The following OPHN1 variants were observed in gnomAD, a reference collection of about 807,000 sequenced individuals.
The protein encoded by OPHN1 is oligophrenin-1.
A neutral mutation model predicts 60.7 loss-of-function variants in OPHN1; 11 were observed. The ratio of observed to expected loss-of-function variants is 0.18; its 90% CI spans 0.11 to 0.30. OPHN1 has a LOEUF of 0.30. Among genes scored for constraint, OPHN1 ranks in the 10% least tolerant of loss-of-function variants. OPHN1 has a pLI of 1.00. For missense variants in OPHN1, 449 were observed against 611.0 expected, an observed-to-expected ratio of 0.73 and a Z score of 2.80; for synonymous variants, 226 against 222.6, an observed-to-expected ratio of 1.02 and a Z score of -0.14.
chrX:68,362,370 G>A (rs1271221247), intron 2 of OPHN1, among the ~76,000 whole-genome samples: 1 of 111,848 alleles, frequency 8.9e-6, no homozygotes, highest in Non-Finnish European at 1.9e-5. Context: ...GGGATGAGAA[G>A]AGATTGGGAA....
intron 6 of OPHN1, among the ~76,000 whole-genome samples, chrX:68,217,533 G>C (rs1270073757): frequency 2.7e-5 from 3 of 110,304 alleles, no homozygotes; most frequent in African/African-American, 9.8e-5. Flanking sequence ...GTCCCTGTCT[G>C]ACAGCTTTGA....
chrX:68,433,403 T>A lies in OPHN1; in HGVS notation c.-240A>T. The A allele has an allele frequency of 3.6e-6, 1 of 277,217 alleles. No individual in the cohort carries two copies. The allele number at this position is 277,217 out of a possible 1,213,427, so 22.8% of individuals were successfully genotyped here. A position where few individuals can be genotyped will look rare whatever the true frequency, so the allele number is the denominator to read the frequency against. ...CCTGAGCAATTGCAAACGTGACACTTGGGCCCGCCCAAGGTGTAGGCGAGG... is the reference window on the plus strand; with the variant it reads ...CCTGAGCAATTGCAAACGTGACACTAGGGCCCGCCCAAGGTGTAGGCGAGG... On this transcript the variant is annotated 5_prime_UTR_variant, in exon 1 of 25. Transcript: ENST00000355520.
intron 19 of OPHN1, among the ~76,000 whole-genome samples, chrX:68,078,521 C>T (rs754458368): frequency 4.5e-5 from 5 of 111,493 alleles, no homozygotes; most frequent in African/African-American, 1.6e-4. Flanking sequence ...CAATCTCTTC[C>T]GATTGAACCC....
chrX:68,355,303 A>C (rs1010515809), intron 2 of OPHN1, among the ~76,000 whole-genome samples: 1 of 112,512 alleles, frequency 8.9e-6, no homozygotes, highest in Admixed American at 9.5e-5. Flanking sequence ...GATAAAATAC[A>C]GAAGTACATA....
At chrX:68,124,001 T>A (rs2077159931) in intron 15 of OPHN1, among the ~76,000 whole-genome samples, 1 of 110,241 alleles carries the variant, frequency 9.1e-6, no homozygotes, top group African/African-American at 3.3e-5. Context: ...AACACATTTA[T>A]CCTGTAAAGA....
intron 2 of OPHN1, among the ~76,000 whole-genome samples, chrX:68,387,182 TTTTCTC>T (rs2078628584): frequency 1.3e-5 from 1 of 79,433 alleles, no homozygotes; most frequent in Admixed American, 1.6e-4. Flanking sequence ...TCTCTTCTCT[TTTTCTC>T]TTTCTTTCTG....
intron 15 of OPHN1, among the ~76,000 whole-genome samples, chrX:68,143,487 C>A (rs946307363): frequency 9.0e-6 from 1 of 110,967 alleles, no homozygotes; most frequent in African/African-American, 3.3e-5. Context: ...GACAAAGGCC[C>A]ATCCACAGCT....
intron 10 of OPHN1, among the ~76,000 whole-genome samples, chrX:68,202,004 G>A (rs776067631): frequency 1.3e-4 from 14 of 111,804 alleles, no homozygotes; most frequent in African/African-American, 3.6e-4. Context: ...TCATGTAAGG[G>A]GAGTGTAGGA....
At chrX:68,200,352 C>A (rs2077530001) in intron 11 of OPHN1, among the ~76,000 whole-genome samples, 2 of 111,936 alleles carry the variant, frequency 1.8e-5, no homozygotes, top group Admixed American at 1.9e-4. Context: ...AAATTTAGTA[C>A]TTATCATGAG....
chrX:68,112,600 T>C (rs1333435704), intron 17 of OPHN1, among the ~76,000 whole-genome samples: 3 of 112,550 alleles, frequency 2.7e-5, no homozygotes, highest in African/African-American at 9.7e-5. Context: ...AAGGGTCACA[T>C]TGAGGTGGAG....
At chrX:68,090,826 A>C (rs1255226046) in intron 19 of OPHN1, among the ~76,000 whole-genome samples, 2 of 111,415 alleles carry the variant, frequency 1.8e-5, no homozygotes, top group African/African-American at 3.3e-5. Flanking sequence ...CATATATCTT[A>C]AGCAGTAAGA....
chrX:68,426,517 G>C (rs1667917673), intron 2 of OPHN1, among the ~76,000 whole-genome samples: 1 of 68,836 alleles, frequency 1.5e-5, no homozygotes, highest in African/African-American at 4.2e-5. Flanking sequence ...GTATATATGT[G>C]GGTTTAGTGA....
chrX:68,390,466 G>C (rs1016532028), intron 2 of OPHN1, among the ~76,000 whole-genome samples: 1 of 111,059 alleles, frequency 9.0e-6, no homozygotes, highest in Middle Eastern at 4.2e-3. Flanking sequence ...GGGTGTGGTG[G>C]TGTGTGCCTG....
chrX:68,221,954 T>C (rs1343683046), intron 6 of OPHN1, among the ~76,000 whole-genome samples: 1 of 106,027 alleles, frequency 9.4e-6, no homozygotes, highest in Admixed American at 1.0e-4. Context: ...AAAGAGCTTC[T>C]GCACAGCAAA....
intron 6 of OPHN1, among the ~76,000 whole-genome samples, chrX:68,229,776 A>T (rs2147517616): frequency 8.9e-6 from 1 of 112,712 alleles, no homozygotes; most frequent in East Asian, 2.8e-4. Flanking sequence ...GAAGGATTAA[A>T]GACTTAAATG....
intron 6 of OPHN1, among the ~76,000 whole-genome samples, chrX:68,225,416 C>A (rs1248773286): frequency 8.9e-6 from 1 of 112,212 alleles, no homozygotes; most frequent in East Asian, 2.8e-4. Context: ...AACGGACAGA[C>A]TGCCTCCTTA....
At chrX:68,399,208 C>T (rs1448171320) in intron 2 of OPHN1, among the ~76,000 whole-genome samples, 3 of 111,421 alleles carry the variant, frequency 2.7e-5, no homozygotes, top group Non-Finnish European at 5.6e-5. Flanking sequence ...CCACCCTCAT[C>T]CAAGCCATCA....
chrX:68,056,968 T>C (rs2076875604), intron 21 of OPHN1, among the ~76,000 whole-genome samples: 1 of 112,210 alleles, frequency 8.9e-6, no homozygotes, highest in Non-Finnish European at 1.9e-5. Flanking sequence ...TGAACAGTTG[T>C]TCTGTTCCAG....
intron 2 of OPHN1, chrX:68,336,399 A>T (rs762067221): frequency 1.8e-5 from 2 of 109,482 alleles, no homozygotes; most frequent in East Asian, 2.9e-4. Flanking sequence ...TAATTAATTT[A>T]AAAAATTAGC....
Sources: allele counts gnomAD v4.1 joint callset (sites outside exome capture counted in the v4.1 genomes callset), GRCh38; gene constraint gnomAD v4.1.1; transcripts MANE v1.5; gene names NCBI Gene and HGNC (gene_info 2026-07-23, HGNC 2026-07-21).